Variants in RHBDD1 observed in about 807,000 individuals in gnomAD.
The protein encoded by RHBDD1 is rhomboid domain containing 1, also known as rhomboid-related protein 4.
RHBDD1 carries 38 observed loss-of-function variants against 36.3 expected under a neutral mutation model. That is an observed-to-expected ratio of 1.05 (90% CI 0.81 to 1.37). The LOEUF (loss-of-function observed/expected upper bound fraction) is 1.37. Ranked by LOEUF, RHBDD1 falls within the 40% of genes most tolerant of loss-of-function variation. RHBDD1 has a pLI of 0.00. For missense variants in RHBDD1, 393 were observed against 377.6 expected (o/e 1.04, Z -0.34); for synonymous variants, 151 against 136.5 (o/e 1.11, Z -0.74).
Position 226,995,870 on chromosome 2 carries a change from C to T in RHBDD1, c.*348C>T, listed in dbSNP as rs539700979. 9 of 236,850 alleles carry T rather than the reference C, an allele frequency of 3.8e-5. No homozygotes were observed. The highest frequency in any genetic ancestry group is 1.0e-4 in the East Asian group (1 of 9,602). 14.7% of individuals were successfully genotyped at this position (236,850 alleles called of 1,614,324 possible). Reference sequence around the variant, plus strand: ...ACCAGGAGGTTTTACTTACACCAGTCGGGAAGATTAGTCCCTCATTCTGCC... The same window carrying T: ...ACCAGGAGGTTTTACTTACACCAGTTGGGAAGATTAGTCCCTCATTCTGCC... On this transcript the variant is annotated 3_prime_UTR_variant, in exon 9 of 9. Transcript: ENST00000392062.
chr2:226,934,361 C>A (rs1950211252), intron 8 of RHBDD1, among the ~76,000 whole-genome samples: 1 of 152,076 alleles, frequency 6.6e-6, no homozygotes, highest in South Asian at 2.1e-4. Context: ...TGCACAATGA[C>A]AAAATTGCCT....
chr2:226,912,040 A>G (rs1559262779), intron 7 of RHBDD1, among the ~76,000 whole-genome samples: 1 of 152,156 alleles, frequency 6.6e-6, no homozygotes, highest in African/African-American at 2.4e-5. Context: ...TTTTTTCACA[A>G]TCACTGAGAA....
rs942887371 is a variant in RHBDD1, at chr2:226,997,929, G to A, written c.*2407G>A. On this transcript the variant is annotated 3_prime_UTR_variant, in exon 9 of 9. Transcript: ENST00000392062. The stretch of plus-strand genomic sequence containing the variant: ...TTATTTTATTTTCCTCTACAATAAG[G>A]AATCCCTAAAGTTATGCCAACAAAC... 6.6e-6 allele frequency: 1 copy of A among 152,150 alleles called. No homozygotes were observed. The highest frequency in any genetic ancestry group is 2.4e-5 in the African/African-American group (1 of 41,432). 9.4% of individuals were successfully genotyped at this position (152,150 alleles called of 1,614,324 possible).
intron 8 of RHBDD1, among the ~76,000 whole-genome samples, chr2:226,926,255 T>A: frequency 6.6e-6 from 1 of 151,184 alleles, no homozygotes. Context: ...GCCATTGTGC[T>A]ACTTATCTAC....
chr2:226,876,650 T>C (rs1199433204), intron 5 of RHBDD1, among the ~76,000 whole-genome samples: 1 of 152,204 alleles, frequency 6.6e-6, no homozygotes, highest in Admixed American at 6.5e-5. Flanking sequence ...TCTGAACTAG[T>C]GGTTCTCAAA....
chr2:226,992,664 T>A (rs1575581414), intron 8 of RHBDD1, among the ~76,000 whole-genome samples: 1 of 152,224 alleles, frequency 6.6e-6, no homozygotes, highest in African/African-American at 2.4e-5. Flanking sequence ...TGGAACTTCT[T>A]ATTTTTCTGT....
intron 8 of RHBDD1, among the ~76,000 whole-genome samples, chr2:226,948,859 G>A (rs1951214394): frequency 6.6e-6 from 1 of 152,182 alleles, no homozygotes; most frequent in Non-Finnish European, 1.5e-5. Context: ...GTCTCTGTTT[G>A]CAGATGGCAT....
intron 7 of RHBDD1, among the ~76,000 whole-genome samples, chr2:226,911,273 A>G (rs1320936135): frequency 1.3e-5 from 2 of 152,080 alleles, no homozygotes; most frequent in Admixed American, 1.3e-4. Context: ...GATCTTACAT[A>G]ACAGAATGGC....
chr2:226,808,005 A>T, the RHBDD1 span, among the ~76,000 whole-genome samples: 1 of 149,260 alleles, frequency 6.7e-6, no homozygotes, highest in Non-Finnish European at 1.5e-5. Context: ...ACAGAGCGAG[A>T]CTCTGTCTCA....
chr2:226,900,290 T>C (rs1197192872), intron 5 of RHBDD1, among the ~76,000 whole-genome samples: 1 of 152,222 alleles, frequency 6.6e-6, no homozygotes, highest in Admixed American at 6.5e-5. Context: ...TTGAGATACA[T>C]GATCTGAATT....
At chr2:226,850,653 C>CCTTTCCAGAAG (rs1472357702) in intron 3 of RHBDD1, among the ~76,000 whole-genome samples, 1 of 152,084 alleles carries the variant, frequency 6.6e-6, no homozygotes, top group Non-Finnish European at 1.5e-5. Context: ...ACACTATCCC[C>CCTTTCCAGAAG]CTTTCCAGAA....
At chr2:226,913,471 A>T (rs1193380444) in intron 7 of RHBDD1, among the ~76,000 whole-genome samples, 3 of 152,230 alleles carry the variant, frequency 2.0e-5, no homozygotes, top group Non-Finnish European at 2.9e-5. Flanking sequence ...TGTAAGGAAT[A>T]AACTCAAACT....
chr2:226,894,070 T>C lies in RHBDD1; in HGVS notation c.567-12723T>C, dbSNP rs529055960. 6.6e-5 allele frequency among the ~76,000 whole-genome samples: 10 copies of C among 152,234 alleles called. No homozygotes were observed. The East Asian group carries it at 1.9e-3, about 29-fold the overall frequency. ...AGTTGTACTTTGCTTTATTTGGAATTAAGAGTTTTTTAACCTCACGTAAAC... is the reference window on the plus strand; with the variant it reads ...AGTTGTACTTTGCTTTATTTGGAATCAAGAGTTTTTTAACCTCACGTAAAC... On this transcript the variant is annotated intron_variant, in intron 5 of 8. Coordinates refer to ENST00000392062, the MANE Select transcript of RHBDD1 (RefSeq NM_001167608.3).
At chr2:226,931,794 T>G (rs1331291249) in intron 8 of RHBDD1, among the ~76,000 whole-genome samples, 2 of 152,124 alleles carry the variant, frequency 1.3e-5, no homozygotes, top group Non-Finnish European at 2.9e-5. Context: ...CTCTTAGTTC[T>G]TTTTTAAAAT....
At chr2:226,871,583 A>G (rs1391706661) in intron 5 of RHBDD1, among the ~76,000 whole-genome samples, 1 of 152,082 alleles carries the variant, frequency 6.6e-6, no homozygotes, top group Non-Finnish European at 1.5e-5. Context: ...CCACCTTTTT[A>G]CTTTTCCATG....
intron 8 of RHBDD1, among the ~76,000 whole-genome samples, chr2:226,987,207 A>G (rs1207499528): frequency 6.6e-6 from 1 of 152,230 alleles, no homozygotes; most frequent in Non-Finnish European, 1.5e-5. Flanking sequence ...GCATAGCATT[A>G]GGACAAATAC....
At chr2:226,862,790 G>A (rs1943973693) in intron 3 of RHBDD1, among the ~76,000 whole-genome samples, 1 of 152,226 alleles carries the variant, frequency 6.6e-6, no homozygotes, top group African/African-American at 2.4e-5. Context: ...TCAAGATTGA[G>A]CATCTGGTGG....
At chr2:226,936,555 C>T (rs770053601) in intron 8 of RHBDD1, among the ~76,000 whole-genome samples, 2 of 152,012 alleles carry the variant, frequency 1.3e-5, no homozygotes, top group Admixed American at 1.3e-4. Context: ...TATTTGGATG[C>T]TGATGAGAAG....
the RHBDD1 span, among the ~76,000 whole-genome samples, chr2:226,802,194 AAT>A: frequency 6.6e-6 from 1 of 152,226 alleles, no homozygotes; most frequent in African/African-American, 2.4e-5. Context: ...CCTTTTAAAA[AAT>A]ATATCTCTCA....
Sources: gnomAD v4.1 joint callset for allele counts (sites outside exome capture counted in the v4.1 genomes callset) on GRCh38, gnomAD v4.1.1 for gene constraint, MANE v1.5 for transcripts, NCBI Gene and HGNC (gene_info 2026-07-23, HGNC 2026-07-21) for gene names.